STK33: variants seen among roughly 807,000 people sequenced by gnomAD.
STK33 encodes serine/threonine kinase 33.
STK33 carries 52 observed loss-of-function variants against 58.0 expected under a neutral mutation model. The observed-to-expected ratio is 0.90, with a 90% CI of 0.72 to 1.13. The LOEUF is 1.13. Among genes scored for constraint, STK33 ranks in the 50% most tolerant of loss-of-function variants. STK33 has a pLI of 0.00. For synonymous variants in STK33, 215 were observed against 200.1 expected (o/e 1.07, Z -0.63); for missense variants, 630 against 604.2 (o/e 1.04, Z -0.45).
At chr11:8,557,691 CT>C (rs1565360418) in intron 1 of STK33, among the ~76,000 whole-genome samples, 4 of 151,602 alleles carry the variant, frequency 2.6e-5, no homozygotes, top group Non-Finnish European at 5.9e-5. Flanking sequence ...CAAAAAGGAA[CT>C]TCAGCATTCA....
chr11:8,467,836 T>G (rs1948369204), intron 6 of STK33, among the ~76,000 whole-genome samples: 1 of 152,108 alleles, frequency 6.6e-6, no homozygotes, highest in African/African-American at 2.4e-5. Flanking sequence ...TCCCAGCTAC[T>G]TGGGAGGCTG....
chr11:8,454,888 GAC>G lies in STK33; in HGVS notation c.698-58_698-57del, dbSNP rs1946667648. 12 of 1,432,802 alleles carry G rather than the reference GAC, an allele frequency of 8.4e-6. No individual in the cohort carries two copies. The South Asian group carries it at 1.6e-4, about 19-fold the overall frequency. The allele number at this position is 1,432,802 out of a possible 1,614,324, so 88.8% of individuals were successfully genotyped here. On this transcript the variant is annotated intron_variant, in intron 9 of 15. Transcript: ENST00000687296. ...AAATGAATAATGGAAAAATAGGAGA[GAC>G]ACATATAGATTAAATATATTTGACA...
intron 1 of STK33, among the ~76,000 whole-genome samples, chr11:8,566,825 T>C (rs1957478436): frequency 1.3e-5 from 2 of 152,182 alleles, no homozygotes; most frequent in South Asian, 4.1e-4. Context: ...CTGAGTGAGC[T>C]TCTCAGGACT....
At chr11:8,356,868 C>G in the STK33 span, among the ~76,000 whole-genome samples, 1 of 152,186 alleles carries the variant, frequency 6.6e-6, no homozygotes, top group Non-Finnish European at 1.5e-5. Flanking sequence ...GCATGACCCC[C>G]AATGCCAGGG....
At chr11:8,418,944 T>G (rs1362130156) in intron 14 of STK33, among the ~76,000 whole-genome samples, 2 of 151,328 alleles carry the variant, frequency 1.3e-5, no homozygotes, top group African/African-American at 2.4e-5. Context: ...AATGAGGTTG[T>G]TTTTTTTTCT....
intron 15 of STK33, among the ~76,000 whole-genome samples, chr11:8,409,136 T>C (rs1427344970): frequency 6.6e-6 from 1 of 152,224 alleles, no homozygotes; most frequent in Non-Finnish European, 1.5e-5. Flanking sequence ...GCCACCTATT[T>C]AACTCTTTTC....
intron 7 of STK33, 34 bp from the exon 8 acceptor site, chr11:8,461,943 T>G (rs1295175174): frequency 1.3e-6 from 2 of 1,491,376 alleles, no homozygotes; most frequent in African/African-American, 2.9e-5. Context: ...TTTCACATAA[T>G]GAAAATCACT....
At chr11:8,341,310 A>G in the STK33 span, among the ~76,000 whole-genome samples, 1 of 152,208 alleles carries the variant, frequency 6.6e-6, no homozygotes, top group Non-Finnish European at 1.5e-5. Context: ...CCCACAAAGC[A>G]GGGAGGCTGC....
At chr11:8,379,129 A>T in the STK33 span, among the ~76,000 whole-genome samples, 1 of 152,186 alleles carries the variant, frequency 6.6e-6, no homozygotes, top group East Asian at 1.9e-4. Context: ...CTCTCACCTT[A>T]TATAAAAATC....
intron 11 of STK33, among the ~76,000 whole-genome samples, chr11:8,448,544 A>G (rs1438577290): frequency 6.6e-6 from 1 of 152,234 alleles, no homozygotes; most frequent in Non-Finnish European, 1.5e-5. Flanking sequence ...ACGATTCCCT[A>G]TTCAATAAAT....
chr11:8,541,336 C>T (rs1955503927), intron 1 of STK33, among the ~76,000 whole-genome samples: 1 of 152,084 alleles, frequency 6.6e-6, no homozygotes, highest in Non-Finnish European at 1.5e-5. Flanking sequence ...TACAGTTTTA[C>T]AGTTTTACAT....
At chr11:8,589,293 A>G (rs10769920) in intron 1 of STK33, among the ~76,000 whole-genome samples, 91,915 of 152,072 alleles carry the variant, frequency 0.6, 28,059 homozygotes, top group African/African-American at 0.65. Flanking sequence ...ATGGATACAC[A>G]AAATGTACCA....
At chr11:8,390,016 G>A (rs1004371478), downstream of STK33, among the ~76,000 whole-genome samples, 12 of 152,090 alleles carry the variant, frequency 7.9e-5, no homozygotes, top group Non-Finnish European at 1.2e-4. Flanking sequence ...TCCGGCTTCC[G>A]GCTTTGGCAG....
chr11:8,519,281 C>G lies in STK33; in HGVS notation c.-465-38667G>C, dbSNP rs1953143099. Among the ~76,000 whole-genome samples the G allele has an allele frequency of 2.0e-5, 3 of 152,168 alleles. No individual in the cohort carries two copies. The South Asian group carries it at 6.2e-4, about 32-fold the overall frequency. ...AAATGAAGGCAGAAATAAAGATGTT[C>G]TCTGAAACCAATGAGAACAAAGACA... On this transcript the variant is annotated intron_variant, in intron 1 of 15. Coordinates refer to ENST00000687296, the MANE Select transcript of STK33 (RefSeq NM_001352389.2).
intron 1 of STK33, among the ~76,000 whole-genome samples, chr11:8,547,798 G>A (rs1956041683): frequency 2.0e-5 from 3 of 152,050 alleles, no homozygotes. Context: ...TCTTTGCCCA[G>A]ACCCACATAT....
At chr11:8,447,011 T>A (rs562792111) in intron 11 of STK33, among the ~76,000 whole-genome samples, 1 of 152,264 alleles carries the variant, frequency 6.6e-6, no homozygotes, top group African/African-American at 2.4e-5. Context: ...CAAAAGAAAC[T>A]ATCATCAGAG....
chr11:8,579,716 G>A (rs1184307408), intron 1 of STK33, among the ~76,000 whole-genome samples: 2 of 152,204 alleles, frequency 1.3e-5, no homozygotes, highest in East Asian at 1.9e-4. Context: ...AAGTCATCAA[G>A]TATGCTACTT....
At chr11:8,398,558 G>A (rs1388134147) in intron 15 of STK33, among the ~76,000 whole-genome samples, 3 of 152,064 alleles carry the variant, frequency 2.0e-5, no homozygotes, top group East Asian at 1.9e-4. Context: ...ATCAACTAAC[G>A]AGCAAAATAA....
At chr11:8,411,838 G>C (rs941582533) in intron 15 of STK33, among the ~76,000 whole-genome samples, 1 of 152,060 alleles carries the variant, frequency 6.6e-6, no homozygotes, top group African/African-American at 2.4e-5. Context: ...CTATATTCTT[G>C]AAATGTCAAC....
Sources: allele counts gnomAD v4.1 joint callset (sites outside exome capture counted in the v4.1 genomes callset), GRCh38; gene constraint gnomAD v4.1.1; transcripts MANE v1.5; gene names NCBI Gene and HGNC (gene_info 2026-07-23, HGNC 2026-07-21).